The following DCLK1 variants were observed in gnomAD, a reference collection of about 807,000 sequenced individuals.
DCLK1 encodes doublecortin like kinase 1.
Under a neutral mutation model 86.2 loss-of-function variants are expected in DCLK1, and 16 were observed. The observed-to-expected ratio is 0.19, with a 90% confidence interval of 0.13 to 0.28. The LOEUF is 0.28. DCLK1 is among the 10% of genes least tolerant of loss of function. The probability of loss-of-function intolerance (pLI) is 1.00; values close to 1 mark genes in which losing one functional copy is unlikely to be tolerated. For synonymous variants in DCLK1, 369 were observed against 370.5 expected (o/e 1.00, Z 0.05); for missense variants, 590 against 940.2 (o/e 0.63, Z 4.87).
At chr13:36,033,871 G>A (rs1459063908) in intron 3 of DCLK1, among the ~76,000 whole-genome samples, 3 of 152,230 alleles carry the variant, frequency 2.0e-5, no homozygotes, top group African/African-American at 4.8e-5. Flanking sequence ...GTTGTGGTGA[G>A]CCGAAGTCGC....
chr13:36,064,352 C>T (rs527406063), intron 3 of DCLK1, among the ~76,000 whole-genome samples: 2 of 152,260 alleles, frequency 1.3e-5, no homozygotes, highest in East Asian at 3.9e-4. Context: ...GTCCATTTAA[C>T]TTTAGTCCAT....
In DCLK1 at chr13:35,865,354, C is replaced by T. The variant is rs150552016; in HGVS notation, c.940+5870G>A. On this transcript the variant is annotated intron_variant, in intron 5 of 16. Coordinates refer to ENST00000360631, the MANE Select transcript of DCLK1 (RefSeq NM_001330071.2). Reference sequence around the variant, plus strand: ...CAAACCCATATGAAACTCCTTATTCCTTATGATGCTCTTACAGATTCTCAT... The same window carrying T: ...CAAACCCATATGAAACTCCTTATTCTTTATGATGCTCTTACAGATTCTCAT... Among the ~76,000 whole-genome samples, 45 of 152,230 alleles carry T rather than the reference C, an allele frequency of 3.0e-4. No individual in the cohort carries two copies. The East Asian group carries it at 8.5e-3, about 29-fold the overall frequency.
intron 6 of DCLK1, among the ~76,000 whole-genome samples, chr13:35,842,228 C>CAAAAAAAAA (rs35862851): frequency 2.8e-5 from 1 of 35,128 alleles, no homozygotes; most frequent in African/African-American, 1.2e-4. Context: ...GACTCCATCT[C>CAAAAAAAAA]AAAAAAAAAA....
At chr13:35,989,288 C>T (rs758299100) in intron 3 of DCLK1, among the ~76,000 whole-genome samples, 7 of 152,026 alleles carry the variant, frequency 4.6e-5, no homozygotes, top group South Asian at 4.1e-4. Context: ...ATTATTTTTT[C>T]GAGACAGAGT....
chr13:35,965,477 T>C (rs1878685264), intron 3 of DCLK1, among the ~76,000 whole-genome samples: 1 of 152,250 alleles, frequency 6.6e-6, no homozygotes, highest in Non-Finnish European at 1.5e-5. Flanking sequence ...CCAGATGTTA[T>C]TCACTTGGTT....
chr13:36,101,480 T>C (rs751398152), intron 3 of DCLK1, among the ~76,000 whole-genome samples: 4 of 152,236 alleles, frequency 2.6e-5, no homozygotes, highest in Admixed American at 6.5e-5. Context: ...TAATGTTTAA[T>C]GCATCTACCA....
chr13:35,897,058 G>A (rs1874049526), intron 4 of DCLK1, among the ~76,000 whole-genome samples: 2 of 152,086 alleles, frequency 1.3e-5, no homozygotes, highest in South Asian at 4.1e-4. Flanking sequence ...AAGGAGAACT[G>A]CCAGCCATTC....
intron 4 of DCLK1, among the ~76,000 whole-genome samples, chr13:35,927,435 T>C (rs1593739977): frequency 6.6e-6 from 1 of 152,204 alleles, no homozygotes; most frequent in Non-Finnish European, 1.5e-5. Flanking sequence ...AGCTAGTCAT[T>C]TTGCCTTTCT....
intron 2 of DCLK1, among the ~76,000 whole-genome samples, chr13:36,123,713 G>A (rs1886069746): frequency 6.6e-6 from 1 of 152,186 alleles, no homozygotes; most frequent in African/African-American, 2.4e-5. Context: ...CACCTCCTAG[G>A]ATCATTGTGA....
chr13:36,001,059 C>A (rs964634117), intron 3 of DCLK1, among the ~76,000 whole-genome samples: 2 of 151,962 alleles, frequency 1.3e-5, no homozygotes, highest in Non-Finnish European at 2.9e-5. Flanking sequence ...AGCAATTCTC[C>A]TGCCTTAGCC....
At chr13:35,800,979 C>T (rs1268954109) in intron 15 of DCLK1, among the ~76,000 whole-genome samples, 3 of 151,902 alleles carry the variant, frequency 2.0e-5, no homozygotes, top group African/African-American at 7.3e-5. Context: ...CTGCCACGGC[C>T]TCCCAGAGTG....
At chr13:36,099,304 T>A (rs1885117803) in intron 3 of DCLK1, among the ~76,000 whole-genome samples, 1 of 152,214 alleles carries the variant, frequency 6.6e-6, no homozygotes, top group East Asian at 1.9e-4. Flanking sequence ...GTGTTATTAA[T>A]TCAACTATAA....
rs569392270 is a variant in DCLK1, at chr13:35,954,222, A to T, written c.724-6765T>A. Among the ~76,000 whole-genome samples, 398 of 150,780 alleles carry T rather than the reference A, an allele frequency of 2.6e-3. 2 individuals carry two copies. Among genetic ancestry groups the T allele is most frequent in the Admixed American group, 5.2e-3 (78 of 15,074 alleles). ...GAATGCTTACACTGCTTTTTTTTTA[A>T]AAAAAAATCTAGTTACCTATGTATC... On this transcript the variant is annotated intron_variant, in intron 3 of 16. Coordinates refer to ENST00000360631, the MANE Select transcript of DCLK1 (RefSeq NM_001330071.2).
At chr13:36,070,976 G>A (rs1426180985) in intron 3 of DCLK1, among the ~76,000 whole-genome samples, 3 of 152,100 alleles carry the variant, frequency 2.0e-5, no homozygotes, top group African/African-American at 4.8e-5. Flanking sequence ...AGGAGACATG[G>A]TGTTCTGGAA....
intron 4 of DCLK1, among the ~76,000 whole-genome samples, chr13:35,881,220 A>G (rs1283069722): frequency 1.3e-5 from 2 of 152,318 alleles, no homozygotes; most frequent in East Asian, 3.9e-4. Flanking sequence ...GAAGCCAAAC[A>G]ATAACCCTTG....
chr13:36,085,375 A>G (rs1426136911), intron 3 of DCLK1, among the ~76,000 whole-genome samples: 4 of 152,158 alleles, frequency 2.6e-5, no homozygotes, highest in Non-Finnish European at 5.9e-5. Flanking sequence ...GTCTAAATGT[A>G]TATAATCCAA....
chr13:35,950,277 A>G (rs1877596336), intron 3 of DCLK1, among the ~76,000 whole-genome samples: 1 of 152,206 alleles, frequency 6.6e-6, no homozygotes, highest in East Asian at 1.9e-4. Context: ...ATGCACTTCA[A>G]TTATCCACGC....
At chr13:36,020,025 G>T (rs1432878760) in intron 3 of DCLK1, among the ~76,000 whole-genome samples, 1 of 152,136 alleles carries the variant, frequency 6.6e-6, no homozygotes, top group Admixed American at 6.5e-5. Flanking sequence ...TAGTTTCCAT[G>T]ATAAATGATT....
At chr13:36,074,107 T>C (rs1452573842) in intron 3 of DCLK1, among the ~76,000 whole-genome samples, 3 of 152,190 alleles carry the variant, frequency 2.0e-5, no homozygotes. Context: ...CAGTCTGGTA[T>C]CAGTGTCATG....
Sources: gnomAD v4.1 joint callset for allele counts (sites outside exome capture counted in the v4.1 genomes callset) on GRCh38, gnomAD v4.1.1 for gene constraint, MANE v1.5 for transcripts, NCBI Gene and HGNC (gene_info 2026-07-23, HGNC 2026-07-21) for gene names.